Variants in ATXN1 observed in about 807,000 individuals in gnomAD.
ATXN1 encodes ataxin-1.
Under a neutral mutation model 56.4 loss-of-function variants are expected in ATXN1, and 8 were observed. The observed-to-expected ratio is 0.14, with a 90% confidence interval of 0.08 to 0.26. The LOEUF (loss-of-function observed/expected upper bound fraction) is 0.26, where lower values mean the gene tolerates loss of function less well. ATXN1 is among the 10% of genes least tolerant of loss of function. ATXN1 has a pLI of 1.00. For missense variants in ATXN1, 987 were observed against 1,106.5 expected (o/e 0.89, Z 1.53); for synonymous variants, 514 against 494.6 (o/e 1.04, Z -0.52).
intron 4 of ATXN1, among the ~76,000 whole-genome samples, chr6:16,544,311 G>A (rs1761771550): frequency 6.6e-6 from 1 of 152,204 alleles, no homozygotes; most frequent in South Asian, 2.1e-4. Context: ...GCCAAGTTGT[G>A]GCGCAGGATC....
rs540056477 is a variant in ATXN1 at position 16,300,038 on chromosome 6, T to C, written c.*6291A>G. The C allele has an allele frequency of 1.1e-3, 163 of 152,762 alleles. 3 individuals carry two copies. Among genetic ancestry groups the C allele is most frequent in the Admixed American group, 0.011 (161 of 15,298 alleles). 9.5% of individuals were successfully genotyped at this position (152,762 alleles called of 1,614,324 possible). A position where few individuals can be genotyped will look rare whatever the true frequency, so the allele number is the denominator to read the frequency against. ...GCTAGTGTCACCTAATACTTGGTAT[T>C]CTGGAGGACAGTATGTTATCTTGGT... On this transcript the variant is annotated 3_prime_UTR_variant, in exon 8 of 8. Coordinates refer to ENST00000436367, the MANE Select transcript of ATXN1 (RefSeq NM_001128164.2).
rs1226655220 is a variant in ATXN1, at chr6:16,688,444, T to C, written c.-614-30543A>G. Among the ~76,000 whole-genome samples the C allele has an allele frequency of 5.9e-5, 9 of 152,316 alleles. No individual in the cohort carries two copies. In the South Asian group the frequency reaches 1.2e-3, roughly 21 times the overall value. On this transcript the variant is annotated intron_variant, in intron 2 of 7. Coordinates refer to ENST00000436367, the MANE Select transcript of ATXN1 (RefSeq NM_001128164.2). ...ACAGAATACCAGCTGGATGAACAGT[T>C]CAAAGCTTCCCTAGTTGAGGGTCTC...
At chr6:16,311,053 G>A (rs1245796530) in intron 7 of ATXN1, among the ~76,000 whole-genome samples, 1 of 152,148 alleles carries the variant, frequency 6.6e-6, no homozygotes, top group East Asian at 1.9e-4. Flanking sequence ...TCTCCTGTGT[G>A]TATTACTGGG....
chr6:16,662,643 G>A lies in ATXN1; in HGVS notation c.-614-4742C>T, dbSNP rs559322596. On this transcript the variant is annotated intron_variant, in intron 2 of 7. Coordinates refer to ENST00000436367, the MANE Select transcript of ATXN1 (RefSeq NM_001128164.2). ...GCCACTGCACCCGGCCATTCATCAG[G>A]CTTCTTAACCTGCCACATAGCTCTA... 1.0e-3 allele frequency among the ~76,000 whole-genome samples: 156 copies of A among 152,212 alleles called. 1 individual carries two copies. Among genetic ancestry groups the A allele is most frequent in the African/African-American group, 3.6e-3 (149 of 41,538 alleles).
intron 2 of ATXN1, among the ~76,000 whole-genome samples, chr6:16,714,202 C>T (rs1759591906): frequency 6.7e-6 from 1 of 150,032 alleles, no homozygotes; most frequent in Admixed American, 6.7e-5. Flanking sequence ...CACACACACA[C>T]ACACACACAC....
At position 16,739,639 on chromosome 6, in the gene ATXN1, C is replaced by A. The variant is rs74472288; in HGVS notation, c.-615+13594G>T. 1,336 of 340,776 alleles carry A rather than the reference C, an allele frequency of 3.9e-3. 15 individuals carry two copies. The highest frequency in any genetic ancestry group is 0.025 in the African/African-American group (1,179 of 47,064). 21.1% of individuals were successfully genotyped at this position (340,776 alleles called of 1,614,324 possible). ...ATCAGGCAGAACATTTAACATCGTCCTGGCCATTAATGACTAAGCCTGCGC... is the reference window on the plus strand; with the variant it reads ...ATCAGGCAGAACATTTAACATCGTCATGGCCATTAATGACTAAGCCTGCGC... On this transcript the variant is annotated intron_variant, in intron 2 of 7. Transcript: ENST00000436367.
At chr6:16,470,950 A>G (rs968191871) in intron 6 of ATXN1, among the ~76,000 whole-genome samples, 1 of 152,168 alleles carries the variant, frequency 6.6e-6, no homozygotes, top group African/African-American at 2.4e-5. Context: ...GTTTTTCTCC[A>G]CAGGCCAACC....
intron 2 of ATXN1, among the ~76,000 whole-genome samples, chr6:16,684,428 G>A (rs1758875572): frequency 6.6e-6 from 1 of 152,106 alleles, no homozygotes. Flanking sequence ...TCAGGTCTCA[G>A]CCCCACCCCT....
chr6:16,409,508 C>T (rs557825492), intron 6 of ATXN1, among the ~76,000 whole-genome samples: 1 of 152,132 alleles, frequency 6.6e-6, no homozygotes, highest in East Asian at 1.9e-4. Context: ...CAAAAATTAA[C>T]CTGGCGTGGT....
At chr6:16,636,569 A>C (rs1763601086) in intron 3 of ATXN1, among the ~76,000 whole-genome samples, 1 of 152,212 alleles carries the variant, frequency 6.6e-6, no homozygotes. Context: ...GACAACTGTC[A>C]TTCGCCCTGA....
At chr6:16,559,117 C>T (rs764924532) in intron 4 of ATXN1, among the ~76,000 whole-genome samples, 10 of 152,110 alleles carry the variant, frequency 6.6e-5, no homozygotes, top group Admixed American at 6.6e-4. Flanking sequence ...TGGCAAAGAT[C>T]GTGAAGTTTA....
chr6:16,365,176 T>A (rs1209722053), intron 6 of ATXN1, among the ~76,000 whole-genome samples: 2 of 151,974 alleles, frequency 1.3e-5, no homozygotes, highest in Admixed American at 6.6e-5. Context: ...GAATTACCGG[T>A]TTTCTTTTTT....
At chr6:16,739,543 TAA>T in intron 2 of ATXN1, 2 of 265,848 alleles carry the variant, frequency 7.5e-6, no homozygotes, top group Non-Finnish European at 1.6e-5. Context: ...TGTATTTGTG[TAA>T]AGACTCCCCA....
At chr6:16,499,097 A>G (rs1760830445) in intron 5 of ATXN1, among the ~76,000 whole-genome samples, 1 of 152,090 alleles carries the variant, frequency 6.6e-6, no homozygotes, top group African/African-American at 2.4e-5. Flanking sequence ...ATGAAGATTT[A>G]CTCCTGTTTT....
chr6:16,348,291 C>T (rs948076187), intron 6 of ATXN1, among the ~76,000 whole-genome samples: 1 of 152,124 alleles, frequency 6.6e-6, no homozygotes, highest in Non-Finnish European at 1.5e-5. Context: ...TCTCAAACTC[C>T]TGGGCTTAAG....
chr6:16,716,560 G>T lies in ATXN1; in HGVS notation c.-615+36673C>A, dbSNP rs371683683. Among the ~76,000 whole-genome samples, 5 of 152,126 alleles carry T rather than the reference G, an allele frequency of 3.3e-5. No individual in the cohort carries two copies. The East Asian group carries it at 5.8e-4, about 18-fold the overall frequency. On this transcript the variant is annotated intron_variant, in intron 2 of 7. Coordinates refer to ENST00000436367, the MANE Select transcript of ATXN1 (RefSeq NM_001128164.2). ...ACTGAATTGTGGCAGGGTTGTGGGG[G>T]TGCAAAAGGAGGGCTTCTAGTTCTT...
chr6:16,668,133 A>G (rs1758468966), intron 2 of ATXN1, among the ~76,000 whole-genome samples: 1 of 151,534 alleles, frequency 6.6e-6, no homozygotes, highest in African/African-American at 2.4e-5. Flanking sequence ...GCTTGCTCTC[A>G]TTTTTCTCTA....
chr6:16,314,254 G>C (rs1238157785), intron 7 of ATXN1, among the ~76,000 whole-genome samples: 4 of 152,254 alleles, frequency 2.6e-5, no homozygotes, highest in African/African-American at 4.8e-5. Flanking sequence ...ATCTCAAATA[G>C]GTACACTCAA....
intron 6 of ATXN1, among the ~76,000 whole-genome samples, chr6:16,482,225 T>C (rs888647780): frequency 6.6e-6 from 1 of 152,124 alleles, no homozygotes; most frequent in East Asian, 1.9e-4. Context: ...GAATGTCATT[T>C]AGGCATTCAC....
Sources: gnomAD v4.1 joint callset for allele counts (sites outside exome capture counted in the v4.1 genomes callset) on GRCh38, gnomAD v4.1.1 for gene constraint, MANE v1.5 for transcripts, NCBI Gene and HGNC (gene_info 2026-07-23, HGNC 2026-07-21) for gene names.